Variants in POLA1 observed in about 807,000 individuals in gnomAD.
The protein encoded by POLA1 is DNA polymerase alpha catalytic subunit.
Under a neutral mutation model 124.0 loss-of-function variants are expected in POLA1, and 15 were observed. The ratio of observed to expected loss-of-function variants is 0.12; its 90% CI spans 0.08 to 0.19. The LOEUF (loss-of-function observed/expected upper bound fraction) is 0.19. POLA1 is among the 10% of genes least tolerant of loss of function. The pLI, the probability that POLA1 is intolerant of heterozygous loss-of-function variation, is 1.00. For synonymous variants in POLA1, 408 were observed against 389.4 expected (o/e 1.05, Z -0.56); for missense variants, 886 against 1,103.4 (o/e 0.80, Z 2.79).
chrX:24,761,158 ATTC>A (rs1380919978), intron 26 of POLA1, among the ~76,000 whole-genome samples: 1 of 112,094 alleles, frequency 8.9e-6, no homozygotes, highest in African/African-American at 3.2e-5. Flanking sequence ...CTAATTACTA[ATTC>A]TTCTTTATAG....
intron 32 of POLA1, among the ~76,000 whole-genome samples, chrX:24,840,095 A>G (rs1034888600): frequency 1.8e-5 from 2 of 112,454 alleles, no homozygotes; most frequent in Admixed American, 1.9e-4. Flanking sequence ...TTATGTCACT[A>G]ATGAAGAACA....
chrX:24,878,060 C>G lies in POLA1; in HGVS notation c.4048-9946C>G, dbSNP rs1435576589. On this transcript the variant is annotated intron_variant, in intron 34 of 36. Coordinates refer to ENST00000379068, the MANE Select transcript of POLA1 (RefSeq NM_001330360.2). ...TACATCACCTAGCAACCTCCTGACT[C>G]AGCCAGATCTCTTGTCTACCCTTAG... Among the ~76,000 whole-genome samples the G allele has an allele frequency of 1.6e-4, 18 of 110,649 alleles. No individual in the cohort carries two copies. The Admixed American group carries it at 1.7e-3, about 11-fold the overall frequency.
intron 36 of POLA1, among the ~76,000 whole-genome samples, chrX:24,968,556 G>A (rs1318695309): frequency 9.1e-6 from 1 of 109,896 alleles, no homozygotes; most frequent in Non-Finnish European, 1.9e-5. Context: ...AAAATTAGCT[G>A]GGCGTGCGTG....
intron 2 of POLA1, among the ~76,000 whole-genome samples, chrX:24,701,792 C>T (rs1928449871): frequency 9.8e-6 from 1 of 101,788 alleles, no homozygotes; most frequent in African/African-American, 3.7e-5. Flanking sequence ...CTCGCTCTCT[C>T]TCCCAGGCTG....
chrX:24,906,241 T>C (rs1178329914), intron 35 of POLA1, among the ~76,000 whole-genome samples: 4 of 112,029 alleles, frequency 3.6e-5, no homozygotes, highest in Non-Finnish European at 7.5e-5. Context: ...ATTGCAAAAA[T>C]ATGAAACCAA....
chrX:24,909,337 T>C (rs1399330247), intron 35 of POLA1, among the ~76,000 whole-genome samples: 2 of 112,235 alleles, frequency 1.8e-5, no homozygotes, highest in Non-Finnish European at 3.8e-5. Flanking sequence ...TGGTATTGCC[T>C]AGGTTTTCTT....
chrX:24,843,444 A>T, intron 33 of POLA1, 102 bp from the exon 34 acceptor site: 3 of 528,584 alleles, frequency 5.7e-6, no homozygotes, highest in South Asian at 5.1e-5. Context: ...AATAAAACGA[A>T]TTAAGAATAT....
intron 34 of POLA1, among the ~76,000 whole-genome samples, chrX:24,867,697 T>A (rs759899808): frequency 8.9e-6 from 1 of 111,890 alleles, no homozygotes; most frequent in Non-Finnish European, 1.9e-5. Flanking sequence ...TAAATCTTTT[T>A]CAGCCCTCTT....
rs1245143115 is a variant in POLA1 at position 24,913,406 on chromosome X, C to T, written c.4165-17047C>T. Among the ~76,000 whole-genome samples, 6 of 111,185 alleles carry T rather than the reference C, an allele frequency of 5.4e-5. No homozygotes were observed. The South Asian group carries it at 1.1e-3, about 21-fold the overall frequency. On this transcript the variant is annotated intron_variant, in intron 35 of 36. Transcript: ENST00000379068. ...TCTTCAGCCTGATTGTGGTGTGTTA[C>T]GTGTGTTTAAAAAGTCGTGGTAAGG...
intron 34 of POLA1, among the ~76,000 whole-genome samples, chrX:24,868,695 CAT>C (rs764269946): frequency 4.5e-5 from 5 of 111,831 alleles, no homozygotes. Flanking sequence ...ATTTTGGTCA[CAT>C]ATTTAATGAA....
intron 27 of POLA1, among the ~76,000 whole-genome samples, chrX:24,810,323 G>A (rs772319322): frequency 4.5e-5 from 5 of 111,493 alleles, no homozygotes; most frequent in Non-Finnish European, 7.5e-5. Context: ...AATCCATTAT[G>A]TTTCCGCTTC....
At chrX:24,815,197 C>T in intron 30 of POLA1, 86 bp downstream of exon 30, 1 of 861,591 alleles carries the variant, frequency 1.2e-6, no homozygotes, top group African/African-American at 2.0e-5. Context: ...CTCATCCTTG[C>T]AATTGAAATA....
chrX:24,769,508 C>T (rs1444958866), intron 26 of POLA1, among the ~76,000 whole-genome samples: 1 of 111,534 alleles, frequency 9.0e-6, no homozygotes, highest in African/African-American at 3.3e-5. Flanking sequence ...GGAGGTTGGT[C>T]ATCTTCCATT....
chrX:24,977,012 T>C (rs967408026), intron 36 of POLA1, among the ~76,000 whole-genome samples: 1 of 112,544 alleles, frequency 8.9e-6, no homozygotes, highest in Admixed American at 9.4e-5. Flanking sequence ...AACCTGCTCT[T>C]AAATCAGTTC....
chrX:24,908,913 T>G (rs763968038), intron 35 of POLA1, among the ~76,000 whole-genome samples: 120 of 112,107 alleles, frequency 1.1e-3, no homozygotes, highest in African/African-American at 3.0e-3. Context: ...CCTGACTTTT[T>G]AATGATCGCC....
At chrX:24,756,627 AAGTAG>A (rs977566837) in intron 26 of POLA1, among the ~76,000 whole-genome samples, 6 of 110,784 alleles carry the variant, frequency 5.4e-5, no homozygotes, top group African/African-American at 2.0e-4. Flanking sequence ...CCCTCAACCC[AAGTAG>A]AGTAAAGGGG....
intron 32 of POLA1, among the ~76,000 whole-genome samples, chrX:24,832,266 T>A (rs1388186579): frequency 9.0e-6 from 1 of 111,521 alleles, no homozygotes; most frequent in Non-Finnish European, 1.9e-5. Flanking sequence ...AGGGGTAACC[T>A]GTGTTATCTC....
At chrX:24,763,071 T>G (rs943433120) in intron 26 of POLA1, among the ~76,000 whole-genome samples, 2 of 111,241 alleles carry the variant, frequency 1.8e-5, no homozygotes, top group African/African-American at 6.6e-5. Context: ...TGGGGGAGAT[T>G]GGCTCACATT....
intron 34 of POLA1, among the ~76,000 whole-genome samples, chrX:24,885,544 T>A (rs995235993): frequency 2.7e-5 from 3 of 109,988 alleles, no homozygotes; most frequent in Non-Finnish European, 5.7e-5. Context: ...TCCTTCTCTC[T>A]TTTTTTTTGA....
Sources: gnomAD v4.1 joint callset for allele counts (sites outside exome capture counted in the v4.1 genomes callset) on GRCh38, gnomAD v4.1.1 for gene constraint, MANE v1.5 for transcripts, NCBI Gene and HGNC (gene_info 2026-07-23, HGNC 2026-07-21) for gene names.